The following TLE5 variants were observed in gnomAD, a reference collection of about 807,000 sequenced individuals.
The protein encoded by TLE5 is TLE family member 5.
TLE5 carries 7 observed loss-of-function variants against 25.8 expected under a neutral mutation model. The ratio of observed to expected loss-of-function variants is 0.27; its 90% CI spans 0.15 to 0.51. The LOEUF (loss-of-function observed/expected upper bound fraction) is 0.51, where lower values mean the gene tolerates loss of function less well. TLE5 is among the 20% of genes least tolerant of loss of function. TLE5 has a pLI of 0.97. For missense variants in TLE5, 149 were observed against 250.7 expected (o/e 0.59, Z 2.74); for synonymous variants, 132 against 110.5 (o/e 1.20, Z -1.22).
intron 3 of TLE5, chr19:3,056,610 G>T (rs1187010277): frequency 9.1e-6 from 6 of 661,638 alleles, no homozygotes; most frequent in Non-Finnish European, 1.7e-5. Context: ...GGGCACTTTA[G>T]GTCCCTAGCC....
intron 4 of TLE5, 87 bp from the exon 5 acceptor site, chr19:3,055,813 A>AGCCCTGCCACTTGCGG: frequency 7.1e-7 from 1 of 1,406,316 alleles, no homozygotes. Context: ...GGCCCGGCCC[A>AGCCCTGCCACTTGCGG]GCCCTGCCAC....
rs1568266574 is a variant in TLE5, at chr19:3,061,269, G to A, written c.28-12C>T. On this transcript the variant is annotated splice_polypyrimidine_tract_variant and intron_variant, in intron 1 of 6. Coordinates refer to ENST00000327141, the MANE Select transcript of TLE5 (RefSeq NM_001130.6). ...AGGTGCGAGGAGCCCTGTAGGGATG[G>A]GGCGGCCCGGGTCAGGCCCAGGCGT... 12 of 1,605,448 alleles carry A rather than the reference G, an allele frequency of 7.5e-6. No homozygotes were observed. The Admixed American group carries it at 1.5e-4, about 20-fold the overall frequency.
intron 2 of TLE5, among the ~76,000 whole-genome samples, chr19:3,058,284 C>T (rs558713222): frequency 3.1e-4 from 47 of 152,278 alleles, no homozygotes; most frequent in Middle Eastern, 3.4e-3. Context: ...TCACCTCTCA[C>T]GGTCCCGACG....
At chr19:3,057,768 G>A (rs2145260776) in intron 2 of TLE5, 26 bp from the exon 3 acceptor site, 1 of 1,611,866 alleles carries the variant, frequency 6.2e-7, no homozygotes, top group East Asian at 2.2e-5. Flanking sequence ...GGGGAGATGG[G>A]GTGGTTAGTG....
At chr19:3,058,541 C>G (rs2090239353) in intron 2 of TLE5, among the ~76,000 whole-genome samples, 1 of 152,186 alleles carries the variant, frequency 6.6e-6, no homozygotes, top group Non-Finnish European at 1.5e-5. Context: ...CCAGGCAGAC[C>G]CCTCAGCTCC....
chr19:3,062,552 G>A (rs2090281414), upstream of TLE5: 3 of 764,836 alleles, frequency 3.9e-6, no homozygotes, highest in Admixed American at 6.4e-5. Flanking sequence ...CCCGTGCCCC[G>A]TGCGCGCCGC....
At chr19:3,062,919 G>T, upstream of TLE5, 1 of 1,057,032 alleles carries the variant, frequency 9.5e-7, no homozygotes, top group Non-Finnish European at 1.4e-6. Context: ...AGCCATTCTT[G>T]TGACACATTT....
At chr19:3,059,725 G>A (rs75114675) in intron 2 of TLE5, among the ~76,000 whole-genome samples, 2,615 of 152,184 alleles carry the variant, frequency 0.017, 87 homozygotes, top group African/African-American at 0.059. Flanking sequence ...GAGGGCTTCC[G>A]GCTTAGCAGA....
chr19:3,056,528 A>C (rs2090220443), intron 3 of TLE5, 172 bp from the exon 4 acceptor site: 14 of 575,030 alleles, frequency 2.4e-5, no homozygotes, highest in East Asian at 6.6e-5. Flanking sequence ...GGAGGGAGAG[A>C]CGCCCACACC....
intron 3 of TLE5, 76 bp downstream of exon 3, chr19:3,057,603 C>T: frequency 7.0e-7 from 1 of 1,424,358 alleles, no homozygotes; most frequent in Non-Finnish European, 9.9e-7. Context: ...GAGGGAGCAG[C>T]TGCCCGTGGT....
chr19:3,061,056 T>G, intron 2 of TLE5, 104 bp downstream of exon 2: 1 of 806,366 alleles, frequency 1.2e-6, no homozygotes. Flanking sequence ...GAGTCTAGCA[T>G]ATATTATTTT....
rs545155899 is a variant in TLE5 at position 3,056,193 on chromosome 19, G to C, written c.234+119C>G. ...AGGAGGTAACAGGATAACCGGGCTG[G>C]CTTGGTGCCCAGCCGAGGGCCGGCC... On this transcript the variant is annotated intron_variant, in intron 4 of 6. Transcript: ENST00000327141. The C allele has an allele frequency of 1.0e-4, 66 of 649,596 alleles. No individual in the cohort carries two copies. In the African/African-American group the frequency reaches 1.2e-3, roughly 12 times the overall value. 40.2% of individuals were successfully genotyped at this position (649,596 alleles called of 1,614,324 possible). A position where few individuals can be genotyped will look rare whatever the true frequency, so the allele number is the denominator to read the frequency against.
At chr19:3,054,287 T>C (rs1599267769) in intron 5 of TLE5, 93 bp from the exon 6 acceptor site, 2 of 1,246,158 alleles carry the variant, frequency 1.6e-6, no homozygotes, top group East Asian at 4.9e-5. Flanking sequence ...GGAGCCCCAC[T>C]ACCAAGTGGG....
rs1473079942 is a variant in TLE5 at position 3,062,413 on chromosome 19, C to A, written c.-213G>T. On this transcript the variant is annotated 5_prime_UTR_variant, in exon 1 of 7. Transcript: ENST00000327141. ...CGGGCCCCGCTTCCTGCGCGCCCGG[C>A]GCCCCTCCCCGCCCCTCCCCGCCGC... 1.4e-6 allele frequency: 1 copy of A among 710,244 alleles called. No homozygotes were observed. Among genetic ancestry groups the A allele is most frequent in the African/African-American group, 2.0e-5 (1 of 50,740 alleles). The allele number at this position is 710,244 out of a possible 1,614,324, so 44.0% of individuals were successfully genotyped here.
At chr19:3,055,842 G>C in intron 4 of TLE5, 116 bp from the exon 5 acceptor site, 1 of 1,165,220 alleles carries the variant, frequency 8.6e-7, no homozygotes, top group Non-Finnish European at 1.2e-6. Flanking sequence ...TCTAAGAGGG[G>C]CTAGGTCTGG....
At chr19:3,061,706 A>C (rs2090270088) in intron 1 of TLE5, among the ~76,000 whole-genome samples, 1 of 150,122 alleles carries the variant, frequency 6.7e-6, no homozygotes, top group Non-Finnish European at 1.5e-5. Context: ...GGGGGGGCCC[A>C]ACCCCAGATT....
upstream of TLE5, chr19:3,062,633 C>T: frequency 1.7e-6 from 2 of 1,183,376 alleles, no homozygotes; most frequent in Non-Finnish European, 2.1e-6. Flanking sequence ...CGTGGCCCGC[C>T]CGCCGCGGTG....
At chr19:3,062,003 G>A (rs1427721537) in intron 1 of TLE5, among the ~76,000 whole-genome samples, 171 bp downstream of exon 1, 2 of 118,516 alleles carry the variant, frequency 1.7e-5, no homozygotes, top group African/African-American at 6.3e-5. Context: ...GGGGAGGGGG[G>A]TCGCGCCGGG....
At chr19:3,059,642 C>T (rs1283615318) in intron 2 of TLE5, among the ~76,000 whole-genome samples, 1 of 152,210 alleles carries the variant, frequency 6.6e-6, no homozygotes, top group African/African-American at 2.4e-5. Context: ...CGGTGTGTGC[C>T]TCTGATATGG....
Sources: allele counts gnomAD v4.1 joint callset (sites outside exome capture counted in the v4.1 genomes callset), GRCh38; gene constraint gnomAD v4.1.1; transcripts MANE v1.5; gene names NCBI Gene and HGNC (gene_info 2026-07-23, HGNC 2026-07-21).